TNS3: variants seen among roughly 807,000 people sequenced by gnomAD.
TNS3 encodes the protein tensin-3.
A neutral mutation model predicts 140.9 loss-of-function variants in TNS3; 45 were observed. The ratio of observed to expected loss-of-function variants is 0.32; its 90% confidence interval spans 0.25 to 0.41. TNS3 has a LOEUF of 0.41. Among genes scored for constraint, TNS3 ranks in the 10% least tolerant of loss-of-function variants. The pLI is 1.00. For missense variants in TNS3, 1,716 were observed against 1,906.7 expected (o/e 0.90, Z 1.86); for synonymous variants, 815 against 788.4 (o/e 1.03, Z -0.56).
intron 20 of TNS3, 40 bp downstream of exon 20, chr7:47,344,715 T>G: frequency 6.3e-7 from 1 of 1,579,144 alleles, no homozygotes; most frequent in Non-Finnish European, 8.6e-7. Context: ...ATGCAGCGCC[T>G]GAGTGCCGCG....
chr7:47,504,354 C>T (rs1798336235), intron 3 of TNS3, among the ~76,000 whole-genome samples: 1 of 152,212 alleles, frequency 6.6e-6, no homozygotes, highest in African/African-American at 2.4e-5. Flanking sequence ...TGGGAGGAGC[C>T]TGTGACAATG....
chr7:47,345,068 GAA>G, intron 18 of TNS3, 30 bp from the exon 19 acceptor site: 1 of 1,580,212 alleles, frequency 6.3e-7, no homozygotes, highest in Non-Finnish European at 8.7e-7. Flanking sequence ...TAGAATGTGA[GAA>G]CAGGGAGTCA....
intron 14 of TNS3, 71 bp downstream of exon 14, chr7:47,400,714 G>A: frequency 1.3e-6 from 2 of 1,585,616 alleles, no homozygotes; most frequent in South Asian, 2.3e-5. Context: ...AAAGGGGATA[G>A]TGAAAGAATC....
chr7:47,340,343 G>T (rs995273842), intron 20 of TNS3, among the ~76,000 whole-genome samples: 1 of 150,476 alleles, frequency 6.6e-6, no homozygotes, highest in Non-Finnish European at 1.5e-5. Context: ...GGATGGTCTC[G>T]ATCTCTTGAC....
chr7:47,463,626 C>T (rs1282623034), intron 4 of TNS3, among the ~76,000 whole-genome samples: 2 of 152,132 alleles, frequency 1.3e-5, no homozygotes, highest in African/African-American at 2.4e-5. Context: ...TAATCAACAA[C>T]AGAAGCACAA....
At chr7:47,576,966 G>T (rs1259060665) in intron 1 of TNS3, among the ~76,000 whole-genome samples, 2 of 152,214 alleles carry the variant, frequency 1.3e-5, no homozygotes, top group African/African-American at 4.8e-5. Context: ...CGCCACGAGT[G>T]TATTCCAGTG....
At chr7:47,358,825 T>C (rs988043459) in intron 17 of TNS3, among the ~76,000 whole-genome samples, 3 of 152,176 alleles carry the variant, frequency 2.0e-5, no homozygotes, top group Non-Finnish European at 2.9e-5. Context: ...TACCACCACC[T>C]ACCTAGGATT....
At chr7:47,539,203 G>T in intron 1 of TNS3, 1 of 452,612 alleles carries the variant, frequency 2.2e-6, no homozygotes, top group Non-Finnish European at 4.4e-6. Context: ...AGGAACAACG[G>T]CCAGGAGCAC....
chr7:47,428,013 TAG>T (rs954937793), intron 9 of TNS3, among the ~76,000 whole-genome samples: 2 of 152,222 alleles, frequency 1.3e-5, no homozygotes, highest in Admixed American at 6.5e-5. Flanking sequence ...TATTTTTTGT[TAG>T]AGAATTCTCT....
intron 2 of TNS3, among the ~76,000 whole-genome samples, chr7:47,522,883 G>A (rs950155436): frequency 2.7e-5 from 4 of 145,558 alleles, no homozygotes; most frequent in East Asian, 2.1e-4. Flanking sequence ...AGCTGAGATC[G>A]CGCCAATGCA....
intron 13 of TNS3, among the ~76,000 whole-genome samples, chr7:47,401,585 C>A (rs1793169195): frequency 6.6e-6 from 1 of 152,116 alleles, no homozygotes; most frequent in Non-Finnish European, 1.5e-5. Context: ...GCTCAAGCAC[C>A]CTAAATGATT....
At chr7:47,362,140 A>T (rs1790370947) in intron 17 of TNS3, among the ~76,000 whole-genome samples, 1 of 152,120 alleles carries the variant, frequency 6.6e-6, no homozygotes, top group African/African-American at 2.4e-5. Flanking sequence ...TCCACAAAAC[A>T]CCAGTGGCAG....
chr7:47,344,494 G>T (rs757280328), intron 20 of TNS3, among the ~76,000 whole-genome samples: 5 of 152,184 alleles, frequency 3.3e-5, no homozygotes, highest in Non-Finnish European at 5.9e-5. Context: ...AGTCACCACT[G>T]ATGGTCCCAT....
rs1562627672 is a variant in TNS3, at chr7:47,354,033, A to AC, written c.2282-7678_2282-7677insG. Among the ~76,000 whole-genome samples the AC allele has an allele frequency of 3.5e-3, 520 of 147,092 alleles. 2 individuals carry two copies. The highest frequency in any genetic ancestry group is 0.012 in the African/African-American group (503 of 40,270). Reference sequence around the variant, plus strand: ...CACACACACACACACACACACACACAAATTCCAAGGTACGACAAAGAACTG... The same window carrying AC: ...CACACACACACACACACACACACACACAATTCCAAGGTACGACAAAGAACTG... On this transcript the variant is annotated intron_variant, in intron 17 of 30. Coordinates refer to ENST00000311160, the MANE Select transcript of TNS3 (RefSeq NM_022748.12).
intron 1 of TNS3, among the ~76,000 whole-genome samples, chr7:47,552,511 G>A (rs1427889617): frequency 6.6e-6 from 1 of 152,012 alleles, no homozygotes; most frequent in Non-Finnish European, 1.5e-5. Flanking sequence ...GTCACATTTT[G>A]GAAGCTCTCA....
intron 20 of TNS3, among the ~76,000 whole-genome samples, chr7:47,326,957 G>T (rs1471055108): frequency 1.3e-5 from 2 of 152,022 alleles, no homozygotes; most frequent in African/African-American, 4.8e-5. Flanking sequence ...TTTTCCCCTC[G>T]CTCCCTCTTA....
intron 1 of TNS3, among the ~76,000 whole-genome samples, chr7:47,546,789 C>T (rs1007299294): frequency 3.9e-5 from 6 of 152,332 alleles, no homozygotes; most frequent in Non-Finnish European, 8.8e-5. Flanking sequence ...TTGCGGCATA[C>T]CCCACTCATA....
Position 47,561,762 on chromosome 7 carries a change from G to A in TNS3, c.-265+20289C>T, listed in dbSNP as rs141070746. On this transcript the variant is annotated intron_variant, in intron 1 of 30. Transcript: ENST00000311160. The stretch of plus-strand genomic sequence containing the variant: ...AATCTATTTCCTAACCCTGGCATCC[G>A]AGCTGGTCTTGCTTTGGCCAATGGA... Among the ~76,000 whole-genome samples, 29 of 152,254 alleles carry A rather than the reference G, an allele frequency of 1.9e-4. No homozygotes were observed. The Middle Eastern group carries it at 0.014, about 71-fold the overall frequency.
At chr7:47,405,374 T>C (rs2151376091) in intron 13 of TNS3, 1 of 628,124 alleles carries the variant, frequency 1.6e-6, no homozygotes, top group South Asian at 1.9e-5. Context: ...GGCAACTGTC[T>C]ACGCAGGCCT....
Sources: gnomAD v4.1 joint callset for allele counts (sites outside exome capture counted in the v4.1 genomes callset) on GRCh38, gnomAD v4.1.1 for gene constraint, MANE v1.5 for transcripts, NCBI Gene and HGNC (gene_info 2026-07-23, HGNC 2026-07-21) for gene names.